The following NUP188 variants were observed in gnomAD, a reference collection of about 807,000 sequenced individuals.
The protein encoded by NUP188 is nucleoporin 188.
In NUP188, 97 loss-of-function variants were observed where a neutral mutation model predicts 223.0. The ratio of observed to expected loss-of-function variants is 0.43; its 90% CI spans 0.37 to 0.51. NUP188 has a LOEUF of 0.51. Among genes scored for constraint, NUP188 ranks in the 20% least tolerant of loss-of-function variants. NUP188 has a pLI of 0.00. For synonymous variants in NUP188, 869 were observed against 828.0 expected, an observed-to-expected ratio of 1.05 and a Z score of -0.85; for missense variants, 1,947 against 2,175.6, an observed-to-expected ratio of 0.89 and a Z score of 2.09.
chr9:128,983,811 A>ACTT (rs1362318271), intron 19 of NUP188, among the ~76,000 whole-genome samples: 1 of 150,766 alleles, frequency 6.6e-6, no homozygotes, highest in Non-Finnish European at 1.5e-5. Flanking sequence ...TGTATTATTT[A>ACTT]TGTATTTATT....
Position 128,980,744 on chromosome 9 carries a change from TAAGTA to T in NUP188, c.1389+23_1389+27del. ...CAAAAAGGTAAGTTGCTTAGTCAGA[TAAGTA>T]AAGAGAATGGGAGATTCTTTATGGA... On this transcript the variant is annotated intron_variant, in intron 14 of 43. Coordinates refer to ENST00000372577, the MANE Select transcript of NUP188 (RefSeq NM_015354.3). 1.2e-6 allele frequency: 2 copies of T among 1,612,496 alleles called. No homozygotes were observed. The highest frequency in any genetic ancestry group is 1.7e-6 in the Non-Finnish European group (2 of 1,179,342).
chr9:128,982,736 A>C (rs1477980425), intron 16 of NUP188, 35 bp downstream of exon 16: 2 of 1,609,858 alleles, frequency 1.2e-6, no homozygotes, highest in African/African-American at 2.7e-5. Flanking sequence ...ACCTACGAGG[A>C]GGAAAAGTGG....
chr9:128,952,615 C>T (rs927109903), intron 2 of NUP188, among the ~76,000 whole-genome samples, 158 bp from the exon 3 acceptor site: 1 of 151,174 alleles, frequency 6.6e-6, no homozygotes, highest in Admixed American at 6.6e-5. Context: ...TCCAGCTACT[C>T]GGGAGGCTGA....
At chr9:128,960,888 C>T (rs10819455) in intron 8 of NUP188, among the ~76,000 whole-genome samples, 1,874 of 152,074 alleles carry the variant, frequency 0.012, 13 homozygotes, top group Non-Finnish European at 0.018. Flanking sequence ...AGTTCAAAAC[C>T]AGCCTGGCCA....
Position 129,001,735 on chromosome 9 carries a change from A to G in NUP188, c.4044+6A>G. ...CCCTGGCTCGCACTCAGCAGGTAGG[A>G]GGCCAGCCCGAAGGCAGGAGGGAGC... On this transcript the variant is annotated splice_donor_region_variant and intron_variant, in intron 35 of 43. Coordinates refer to ENST00000372577, the MANE Select transcript of NUP188 (RefSeq NM_015354.3). 1 of 1,612,346 alleles carries G rather than the reference A, an allele frequency of 6.2e-7. No homozygotes were observed. Among genetic ancestry groups the G allele is most frequent in the East Asian group, 2.2e-5 (1 of 44,786 alleles).
chr9:128,949,058 C>T (rs1477817472), intron 1 of NUP188, 131 bp from the exon 2 acceptor site: 1 of 640,820 alleles, frequency 1.6e-6, no homozygotes, highest in East Asian at 2.9e-5. Context: ...GATTACTTTC[C>T]AAAAATTTAA....
At position 129,002,579 on chromosome 9, in the gene NUP188, C is replaced by T. The variant is rs149509010; in HGVS notation, c.4138-238C>T. ...CAGGGCAGTGACATGTCCAGGTTCG[C>T]ATAGCTCGTCAGTGGCAGACCTGAG... On this transcript the variant is annotated intron_variant, in intron 36 of 43. Coordinates refer to ENST00000372577, the MANE Select transcript of NUP188 (RefSeq NM_015354.3). Among the ~76,000 whole-genome samples the T allele has an allele frequency of 2.8e-4, 42 of 152,364 alleles. 3 individuals are homozygous for T. In the East Asian group the frequency reaches 8.1e-3, roughly 29 times the overall value.
chr9:128,968,236 C>A (rs929290705), intron 8 of NUP188, among the ~76,000 whole-genome samples: 4 of 151,962 alleles, frequency 2.6e-5, no homozygotes, highest in African/African-American at 9.7e-5. Context: ...TAGAGTCAGA[C>A]CCTGTCTCTT....
At position 128,993,326 on chromosome 9, in the gene NUP188, G is replaced by A. The variant is rs780405049; in HGVS notation, c.2770G>A (p.Val924Ile). ...IKVMILEFLT[V>I]AVETQPGLIE... is the part of the protein sequence containing the mutation. ...AGTCATGATTCTAGAGTTCCTCACT[G>A]TTGCAGTAGAGACCCAGCCAGGCCT... Residue 924 changes from valine (V) to isoleucine (I), a missense_variant, in exon 26 of 44, where the codon GTT becomes ATT. Val to Ile is a conservative substitution (Grantham distance 29). Around this residue, in one of 3 missense-constraint regions of NUP188, gnomAD observed 225 missense variants for 319.1 expected, o/e 0.71. Transcript: ENST00000372577. The A allele has an allele frequency of 1.9e-6, 3 of 1,614,190 alleles. No individual in the cohort carries two copies. The highest frequency in any genetic ancestry group is 2.5e-6 in the Non-Finnish European group (3 of 1,180,016).
intron 12 of NUP188, among the ~76,000 whole-genome samples, chr9:128,974,848 C>T (rs1564556663): frequency 6.6e-6 from 1 of 151,798 alleles, no homozygotes; most frequent in African/African-American, 2.4e-5. Flanking sequence ...AACCTGCACC[C>T]CCTGGGCTTA....
chr9:128,993,507 A>G lies in NUP188; in HGVS notation c.2848-18A>G, dbSNP rs779731337. ...GCAGTGGCTGTGGAACTGAACTCTT[A>G]CCTGTCCCTTCTTGCAGGAATTCAG... On this transcript the variant is annotated intron_variant, in intron 26 of 43. Transcript: ENST00000372577. The G allele has an allele frequency of 8.1e-6, 13 of 1,613,634 alleles. No homozygotes were observed. Among genetic ancestry groups the G allele is most frequent in the Admixed American group, 1.7e-5 (1 of 59,986 alleles).
intron 12 of NUP188, among the ~76,000 whole-genome samples, chr9:128,974,657 C>G (rs1313146650): frequency 6.6e-6 from 1 of 152,136 alleles, no homozygotes; most frequent in Non-Finnish European, 1.5e-5. Context: ...TGCCCCTTCC[C>G]TCCTTGATTA....
rs781491643 is a variant in NUP188, at chr9:128,982,554, C to A, written c.1522C>A (p.Gln508Lys). The part of the protein sequence containing the change: ...TPKLLYPLGG[Q>K]TNLRIPQGTV... ...AATTTATCTTTCTCTCTCAGGGGGTCAAACCAACCTTCGCATACCTCAAGG... is the reference window on the plus strand; with the variant it reads ...AATTTATCTTTCTCTCTCAGGGGGTAAAACCAACCTTCGCATACCTCAAGG... Residue 508 changes from glutamine (Q) to lysine (K), a missense_variant, in exon 16 of 44, where the codon CAA (glutamine) becomes AAA (lysine). Physicochemically the swap from Gln to Lys is moderately conservative, Grantham distance 53. Around this residue, in one of 3 missense-constraint regions of NUP188, gnomAD observed 817 missense variants for 865.8 expected, o/e 0.94. Transcript: ENST00000372577. The A allele has an allele frequency of 6.2e-7, 1 of 1,609,810 alleles. No individual in the cohort carries two copies. The highest frequency in any genetic ancestry group is 8.5e-7 in the Non-Finnish European group (1 of 1,178,724).
intron 41 of NUP188, 43 bp downstream of exon 41, chr9:129,005,819 T>G: frequency 6.5e-7 from 1 of 1,546,346 alleles, no homozygotes; most frequent in Non-Finnish European, 8.7e-7. Context: ...CCCCGGCTCC[T>G]CCCCCTGCCT....
chr9:128,988,266 A>G (rs1199733502), intron 24 of NUP188, 80 bp downstream of exon 24: 12 of 1,500,306 alleles, frequency 8.0e-6, no homozygotes, highest in African/African-American at 5.5e-5. Flanking sequence ...TATCTTAGGC[A>G]GTGTTTTTGG....
intron 28 of NUP188, 122 bp downstream of exon 28, chr9:128,994,564 C>A: frequency 1.3e-6 from 1 of 754,672 alleles, no homozygotes; most frequent in Non-Finnish European, 2.3e-6. Flanking sequence ...GTTCCCTTCA[C>A]TAGAAACGTC....
intron 22 of NUP188, 132 bp from the exon 23 acceptor site, chr9:128,987,457 T>C: frequency 1.3e-6 from 1 of 754,604 alleles, no homozygotes; most frequent in Non-Finnish European, 2.1e-6. Flanking sequence ...TCAGAGTGCC[T>C]TCAGCTTGCA....
At position 129,002,914 on chromosome 9, in the gene NUP188, G is replaced by A. The variant is rs775343658; in HGVS notation, c.4235G>A (p.Arg1412His). The change falls in exon 37 of 44, where the codon CGC becomes CAC. Residue 1412 changes from arginine (R) to histidine (H), a missense_variant. By Grantham distance (29) the Arg-to-His change is conservative (BLOSUM62 0). Transcript: ENST00000372577. Reference protein sequence around the residue: ...SLMEQLLKTLRYNFLPEALDF... With the variant: ...SLMEQLLKTLHYNFLPEALDF... ...ATGGAGCAGCTGCTCAAAACTCTGC[G>A]CTACAACTTCCTGCCTGAGGCCCTG... 38 of 1,614,114 alleles carry A rather than the reference G, an allele frequency of 2.4e-5. No individual in the cohort carries two copies. The highest frequency in any genetic ancestry group is 2.5e-5 in the Non-Finnish European group (29 of 1,180,054).
Position 129,002,843 on chromosome 9 carries a change from G to A in NUP188, c.4164G>A (p.Leu1388=). Residue 1388 remains leucine (L), a synonymous_variant, in exon 37 of 44, where the codon CTG becomes CTA. Coordinates refer to ENST00000372577, the MANE Select transcript of NUP188 (RefSeq NM_015354.3). ...AQTPSASRKS[L]DAPSWPGVYR... ...CACCTAGTGCCTCTCGGAAGTCCCT[G>A]GATGCCCCCTCTTGGCCAGGAGTCT... 6.2e-7 allele frequency: 1 copy of A among 1,614,220 alleles called. No individual in the cohort carries two copies. Among genetic ancestry groups the A allele is most frequent in the Non-Finnish European group, 8.5e-7 (1 of 1,180,038 alleles).
Sources: allele counts gnomAD v4.1 joint callset (sites outside exome capture counted in the v4.1 genomes callset), GRCh38; gene constraint gnomAD v4.1.1; regional missense constraint gnomAD v4.1.1; transcripts MANE v1.5; gene names NCBI Gene and HGNC (gene_info 2026-07-23, HGNC 2026-07-21).